The following AFG2A variants were observed in gnomAD, a reference collection of about 807,000 sequenced individuals.
The protein encoded by AFG2A is ATPase family gene 2 protein homolog A.
the AFG2A span, among the ~76,000 whole-genome samples, chr4:123,163,822 T>C: frequency 6.6e-6 from 1 of 152,210 alleles, no homozygotes; most frequent in Non-Finnish European, 1.5e-5. Context: ...TCTTGTTTTA[T>C]GCAGAAGTAA....
chr4:122,983,683 T>C, the AFG2A span, among the ~76,000 whole-genome samples: 1 of 152,248 alleles, frequency 6.6e-6, no homozygotes, highest in African/African-American at 2.4e-5. Flanking sequence ...GATATGATTT[T>C]AGTCTTCTTA....
At chr4:123,186,440 C>T in the AFG2A span, among the ~76,000 whole-genome samples, 1 of 152,146 alleles carries the variant, frequency 6.6e-6, no homozygotes, top group Non-Finnish European at 1.5e-5. Context: ...CCTAAGACAG[C>T]TTTTAGAGTT....
chr4:122,943,041 A>G, the AFG2A span, among the ~76,000 whole-genome samples: 1 of 151,702 alleles, frequency 6.6e-6, no homozygotes, highest in Non-Finnish European at 1.5e-5. Context: ...TGCTGAGGAG[A>G]GCTTTACTTC....
At chr4:123,175,797 C>T in the AFG2A span, among the ~76,000 whole-genome samples, 1 of 152,092 alleles carries the variant, frequency 6.6e-6, no homozygotes, top group Middle Eastern at 3.2e-3. Flanking sequence ...TCCTGTGGAA[C>T]GTTCTGTAAC....
At chr4:122,980,879 A>G in the AFG2A span, among the ~76,000 whole-genome samples, 1 of 151,884 alleles carries the variant, frequency 6.6e-6, no homozygotes, top group Non-Finnish European at 1.5e-5. Context: ...GAGTTTCTTA[A>G]TATATATTTT....
chr4:123,122,331 C>G, the AFG2A span, among the ~76,000 whole-genome samples: 1 of 152,270 alleles, frequency 6.6e-6, no homozygotes. Context: ...TTTAAAACAC[C>G]TAACCTACCA....
chr4:123,170,603 C>G, the AFG2A span, among the ~76,000 whole-genome samples: 4 of 152,000 alleles, frequency 2.6e-5, no homozygotes, highest in African/African-American at 7.3e-5. Flanking sequence ...AAAAAGTTAA[C>G]TTAGGGTAAA....
At chr4:123,181,173 A>G in the AFG2A span, among the ~76,000 whole-genome samples, 1 of 151,738 alleles carries the variant, frequency 6.6e-6, no homozygotes, top group Non-Finnish European at 1.5e-5. Flanking sequence ...TTTAGTAGAG[A>G]CGGGGTTTCA....
chr4:122,974,091 C>T, the AFG2A span, among the ~76,000 whole-genome samples: 10 of 151,910 alleles, frequency 6.6e-5, no homozygotes, highest in African/African-American at 9.7e-5. Flanking sequence ...TTTTATCCAG[C>T]TTAAATTCTG....
chr4:123,047,330 G>C, the AFG2A span, among the ~76,000 whole-genome samples: 1 of 152,104 alleles, frequency 6.6e-6, no homozygotes, highest in Admixed American at 6.6e-5. Flanking sequence ...GTCTTGATTT[G>C]CATTTCCATG....
chr4:123,222,890 A>T, the AFG2A span, among the ~76,000 whole-genome samples: 1 of 152,228 alleles, frequency 6.6e-6, no homozygotes, highest in African/African-American at 2.4e-5. Flanking sequence ...AAGACTGAAT[A>T]ATATACCATC....
At chr4:123,094,018 T>G in the AFG2A span, among the ~76,000 whole-genome samples, 1 of 152,194 alleles carries the variant, frequency 6.6e-6, no homozygotes, top group Non-Finnish European at 1.5e-5. Context: ...CTTCCTCTTA[T>G]GCCTGCAGCG....
At chr4:123,214,016 G>A in the AFG2A span, among the ~76,000 whole-genome samples, 1 of 152,044 alleles carries the variant, frequency 6.6e-6, no homozygotes, top group Non-Finnish European at 1.5e-5. Flanking sequence ...TAATGTATCA[G>A]TTATTTTGGC....
chr4:123,007,625 TATATAC>T, the AFG2A span, among the ~76,000 whole-genome samples: 3 of 45,850 alleles, frequency 6.5e-5, no homozygotes, highest in Non-Finnish European at 8.2e-5. Context: ...TATATATATA[TATATAC>T]ACACACACAC....
chr4:123,297,919 A>C, the AFG2A span, among the ~76,000 whole-genome samples: 1,137 of 152,192 alleles, frequency 7.5e-3, 12 homozygotes, highest in African/African-American at 0.026. Context: ...ACAAATTTAC[A>C]TATACATAGA....
At chr4:123,257,196 A>G in the AFG2A span, among the ~76,000 whole-genome samples, 1 of 152,188 alleles carries the variant, frequency 6.6e-6, no homozygotes, top group South Asian at 2.1e-4. Flanking sequence ...AACAACCAAA[A>G]TAAATCCCAG....
the AFG2A span, among the ~76,000 whole-genome samples, chr4:123,231,931 A>G: frequency 3.0e-4 from 46 of 152,072 alleles, no homozygotes; most frequent in South Asian, 7.1e-3. Context: ...GTTTGTGGTG[A>G]CCCAAAATAA....
the AFG2A span, among the ~76,000 whole-genome samples, chr4:123,013,334 G>A: frequency 6.6e-6 from 1 of 152,204 alleles, no homozygotes; most frequent in East Asian, 1.9e-4. Context: ...TGATGGCTTA[G>A]CTTGGGCTTA....
chr4:123,125,150 T>C, the AFG2A span, among the ~76,000 whole-genome samples: 2 of 152,178 alleles, frequency 1.3e-5, no homozygotes, highest in Non-Finnish European at 2.9e-5. Flanking sequence ...TAGATTTTTC[T>C]AGACACGTAC....
Sources: allele counts gnomAD v4.1 joint callset (sites outside exome capture counted in the v4.1 genomes callset), GRCh38; gene constraint gnomAD v4.1.1; transcripts MANE v1.5; gene names NCBI Gene and HGNC (gene_info 2026-07-23, HGNC 2026-07-21).